COL19A1: variants seen among roughly 807,000 people sequenced by gnomAD.
The protein encoded by COL19A1 is collagen alpha-1(XIX) chain.
In COL19A1, 159 loss-of-function variants were observed where a neutral mutation model predicts 190.2. The observed-to-expected ratio is 0.84, with a 90% CI of 0.73 to 0.95. The LOEUF (loss-of-function observed/expected upper bound fraction) is 0.95, where lower values mean the gene tolerates loss of function less well. COL19A1 is among the 40% of genes least tolerant of loss of function. The pLI is 0.00. For missense variants in COL19A1, 1,418 were observed against 1,431.9 expected (o/e 0.99, Z 0.16); for synonymous variants, 509 against 458.9 (o/e 1.11, Z -1.39).
At chr6:70,206,757 A>C in intron 49 of COL19A1, 144 bp from the exon 50 acceptor site, 1 of 605,130 alleles carries the variant, frequency 1.7e-6, no homozygotes, top group Non-Finnish European at 2.8e-6. Flanking sequence ...ATATGTGGTT[A>C]ATGCAAAACA....
chr6:70,185,970 C>T (rs112911091), intron 46 of COL19A1, among the ~76,000 whole-genome samples: 3 of 152,222 alleles, frequency 2.0e-5, no homozygotes, highest in African/African-American at 7.2e-5. Flanking sequence ...TTCCATCTCT[C>T]TCACTCTAAT....
At chr6:70,165,042 A>G (rs1289895256) in intron 36 of COL19A1, among the ~76,000 whole-genome samples, 2 of 152,216 alleles carry the variant, frequency 1.3e-5, no homozygotes, top group Non-Finnish European at 2.9e-5. Flanking sequence ...CATTGTGAGT[A>G]GAAATTTTAC....
In COL19A1 at chr6:70,038,788, T is replaced by C. The variant is rs1294637352; in HGVS notation, c.1170+2849T>C. 2.0e-5 allele frequency among the ~76,000 whole-genome samples: 3 copies of C among 152,204 alleles called. No individual in the cohort carries two copies. The East Asian group carries it at 5.8e-4, about 29-fold the overall frequency. On this transcript the variant is annotated intron_variant, in intron 14 of 50. Coordinates refer to ENST00000620364, the MANE Select transcript of COL19A1 (RefSeq NM_001858.6). Reference sequence around the variant, plus strand: ...CAAGGGAGTCAGATACTACTGGTTGTTGCACTACACTGGTCACAAAGGCTT... The same window carrying C: ...CAAGGGAGTCAGATACTACTGGTTGCTGCACTACACTGGTCACAAAGGCTT...
chr6:69,995,545 G>A (rs1443451093), intron 11 of COL19A1, among the ~76,000 whole-genome samples: 1 of 150,382 alleles, frequency 6.6e-6, no homozygotes, highest in East Asian at 1.9e-4. Flanking sequence ...TTTACCAAAA[G>A]CATGCTCTGG....
chr6:70,178,696 G>C (rs1446666337), intron 42 of COL19A1, among the ~76,000 whole-genome samples: 1 of 152,100 alleles, frequency 6.6e-6, no homozygotes, highest in Non-Finnish European at 1.5e-5. Flanking sequence ...AAGCAGGGCT[G>C]GGGCCTGCCC....
intron 36 of COL19A1, among the ~76,000 whole-genome samples, chr6:70,164,121 A>C (rs1257256962): frequency 6.6e-6 from 1 of 152,132 alleles, no homozygotes; most frequent in Non-Finnish European, 1.5e-5. Flanking sequence ...CTGTCCCTAG[A>C]CGGTCATGGG....
intron 4 of COL19A1, among the ~76,000 whole-genome samples, chr6:69,909,357 A>G (rs940325399): frequency 3.9e-5 from 6 of 152,272 alleles, no homozygotes; most frequent in African/African-American, 1.2e-4. Flanking sequence ...TCTTAGGGGC[A>G]AGAAATGAAG....
At chr6:69,948,227 C>A (rs1773931561) in intron 9 of COL19A1, among the ~76,000 whole-genome samples, 1 of 151,670 alleles carries the variant, frequency 6.6e-6, no homozygotes. Flanking sequence ...GCAGAATCAC[C>A]GAAGCGCTTG....
chr6:69,955,028 G>A (rs1227612527), intron 9 of COL19A1, among the ~76,000 whole-genome samples: 1 of 152,072 alleles, frequency 6.6e-6, no homozygotes, highest in African/African-American at 2.4e-5. Context: ...GTATTCAGAT[G>A]TCAATCACTA....
intron 11 of COL19A1, among the ~76,000 whole-genome samples, chr6:70,010,457 T>C (rs2150094399): frequency 6.9e-6 from 1 of 145,078 alleles, no homozygotes; most frequent in East Asian, 2.2e-4. Flanking sequence ...ACCGGGTTCA[T>C]CTCACTAGGG....
chr6:70,201,117 T>C (rs1295988172), intron 49 of COL19A1, among the ~76,000 whole-genome samples: 2 of 152,232 alleles, frequency 1.3e-5, no homozygotes, highest in Non-Finnish European at 2.9e-5. Flanking sequence ...TGAAAATGTG[T>C]AATGCCTCAA....
chr6:70,151,327 T>C lies in COL19A1; in HGVS notation c.2038-70T>C, dbSNP rs377298760. 1.7e-3 allele frequency: 2,453 copies of C among 1,480,340 alleles called. 5 individuals are homozygous for C. Among genetic ancestry groups the C allele is most frequent in the Non-Finnish European group, 2.1e-3 (2,197 of 1,064,680 alleles). The allele number at this position is 1,480,340 out of a possible 1,614,324, so 91.7% of individuals were successfully genotyped here. ...ATTTTGAGGAAAAATGTCTACATTA[T>C]ACTGTATGTTTATATTGTATTGTGT... On this transcript the variant is annotated intron_variant, in intron 30 of 50. Transcript: ENST00000620364.
intron 11 of COL19A1, among the ~76,000 whole-genome samples, chr6:69,984,369 AT>A (rs1327804992): frequency 6.6e-6 from 1 of 152,008 alleles, no homozygotes; most frequent in African/African-American, 2.4e-5. Context: ...TTTGTTACGT[AT>A]TTTGGTTTTA....
chr6:70,192,176 T>A (rs537386512), intron 48 of COL19A1, among the ~76,000 whole-genome samples: 1 of 152,272 alleles, frequency 6.6e-6, no homozygotes, highest in South Asian at 2.1e-4. Flanking sequence ...TTCTCCTGCC[T>A]CAGCCTCCAG....
chr6:69,904,850 G>A (rs1342732810), intron 4 of COL19A1, among the ~76,000 whole-genome samples: 5 of 152,166 alleles, frequency 3.3e-5, no homozygotes, highest in African/African-American at 1.2e-4. Context: ...TGGGTCCCTA[G>A]GCACACGGCT....
chr6:69,899,849 T>C (rs983897441), intron 3 of COL19A1, among the ~76,000 whole-genome samples: 3 of 152,194 alleles, frequency 2.0e-5, no homozygotes, highest in Admixed American at 1.3e-4. Flanking sequence ...CTTTAAAGCA[T>C]AATTTTGTAA....
intron 30 of COL19A1, 119 bp from the exon 31 acceptor site, chr6:70,151,278 G>T: frequency 1.1e-6 from 1 of 885,576 alleles, no homozygotes; most frequent in Admixed American, 2.2e-5. Context: ...TGATTCTAAA[G>T]TGAGACACCA....
chr6:70,124,058 G>A (rs980434571), intron 17 of COL19A1, among the ~76,000 whole-genome samples: 2 of 150,826 alleles, frequency 1.3e-5, no homozygotes, highest in African/African-American at 4.9e-5. Context: ...GTCATTTGCA[G>A]CAACATGGAT....
chr6:69,976,960 G>T (rs571730213), intron 11 of COL19A1, among the ~76,000 whole-genome samples: 6 of 152,106 alleles, frequency 3.9e-5, no homozygotes, highest in Non-Finnish European at 7.3e-5. Flanking sequence ...ATCTGAAGCC[G>T]CCAGACAAAG....
Sources: gnomAD v4.1 joint callset for allele counts (sites outside exome capture counted in the v4.1 genomes callset) on GRCh38, gnomAD v4.1.1 for gene constraint, MANE v1.5 for transcripts, NCBI Gene and HGNC (gene_info 2026-07-23, HGNC 2026-07-21) for gene names.